The following ARID5B variants were observed in gnomAD, a reference collection of about 807,000 sequenced individuals.
ARID5B encodes AT-rich interactive domain-containing protein 5B.
In ARID5B, 13 loss-of-function variants were observed where a neutral mutation model predicts 97.2. That is an observed-to-expected ratio of 0.13 (90% CI 0.09 to 0.21). ARID5B has a LOEUF of 0.21. Among genes scored for constraint, ARID5B ranks in the 10% least tolerant of loss-of-function variants. The pLI is 1.00. For missense variants in ARID5B, 1,210 were observed against 1,465.3 expected (o/e 0.83, Z 2.84); for synonymous variants, 556 against 570.3 (o/e 0.97, Z 0.36).
chr10:61,941,991 T>C (rs1414131235), intron 3 of ARID5B, among the ~76,000 whole-genome samples: 1 of 152,214 alleles, frequency 6.6e-6, no homozygotes, highest in Non-Finnish European at 1.5e-5. Flanking sequence ...TCCTTAACAT[T>C]AAAACCTTTC....
intron 3 of ARID5B, among the ~76,000 whole-genome samples, chr10:61,997,325 C>T (rs1441237726): frequency 2.0e-5 from 3 of 151,656 alleles, no homozygotes; most frequent in Non-Finnish European, 4.4e-5. Context: ...AGGGAGCCGA[C>T]TCCATCCAGA....
chr10:62,071,952 G>A (rs1840070790), intron 8 of ARID5B, among the ~76,000 whole-genome samples: 1 of 152,174 alleles, frequency 6.6e-6, no homozygotes, highest in Non-Finnish European at 1.5e-5. Context: ...AAACCACACT[G>A]GGTATTCAAC....
intron 4 of ARID5B, among the ~76,000 whole-genome samples, chr10:62,050,537 T>A (rs918214834): frequency 2.0e-5 from 3 of 152,218 alleles, no homozygotes; most frequent in Non-Finnish European, 4.4e-5. Context: ...AAACCAAAGA[T>A]TGAGCTCAAA....
intron 4 of ARID5B, among the ~76,000 whole-genome samples, chr10:62,019,871 A>C (rs571450991): frequency 6.6e-6 from 1 of 152,292 alleles, no homozygotes; most frequent in Non-Finnish European, 1.5e-5. Context: ...GGAGCCACAG[A>C]ATTAGCAAGG....
intron 3 of ARID5B, among the ~76,000 whole-genome samples, chr10:61,977,292 A>T (rs59968307): frequency 0.01 from 1,522 of 152,180 alleles, 29 homozygotes; most frequent in African/African-American, 0.035. Context: ...AGTCTTTGCT[A>T]TTGTGAATAG....
intron 3 of ARID5B, among the ~76,000 whole-genome samples, chr10:61,941,966 C>T (rs1193652940): frequency 5.9e-5 from 9 of 152,074 alleles, no homozygotes; most frequent in Non-Finnish European, 1.2e-4. Flanking sequence ...GTTGTATTAC[C>T]ATTGTCTTAT....
intron 2 of ARID5B, among the ~76,000 whole-genome samples, chr10:61,926,665 G>A (rs1450530491): frequency 2.6e-5 from 4 of 152,126 alleles, no homozygotes; most frequent in Non-Finnish European, 4.4e-5. Context: ...CTGGAGTGCA[G>A]TGGCACGATC....
intron 8 of ARID5B, among the ~76,000 whole-genome samples, chr10:62,081,408 C>T (rs16916980): frequency 6.8e-4 from 104 of 152,264 alleles, no homozygotes; most frequent in African/African-American, 2.4e-3. Flanking sequence ...AATATTTTGG[C>T]CCAAAAGTTC....
chr10:62,022,284 C>G (rs12761779), intron 4 of ARID5B, among the ~76,000 whole-genome samples: 56,703 of 152,054 alleles, frequency 0.37, 10,938 homozygotes, highest in African/African-American at 0.46. Context: ...TGTGGCCATG[C>G]CATCCTTTGG....
In ARID5B at chr10:61,902,227, A is replaced by G; in HGVS notation, c.90A>G (p.Glu30=). The change falls in exon 2 of 10, where the codon GAA becomes GAG. Residue 30 remains glutamate, a synonymous_variant. Coordinates refer to ENST00000279873, the MANE Select transcript of ARID5B (RefSeq NM_032199.3). The part of the protein sequence containing the change: ...IFYKAFQFHL[E]GKPRILSLGD... Reference sequence around the variant, plus strand: ...ACAAGGCTTTTCAATTCCACCTTGAAGGCAAACCAAGAATTTTGTCCCTTG... The same window carrying G: ...ACAAGGCTTTTCAATTCCACCTTGAGGGCAAACCAAGAATTTTGTCCCTTG... The G allele has an allele frequency of 1.2e-6, 2 of 1,614,006 alleles. No homozygotes were observed.
intron 2 of ARID5B, among the ~76,000 whole-genome samples, chr10:61,918,593 T>C (rs1843951074): frequency 6.6e-6 from 1 of 152,244 alleles, no homozygotes; most frequent in African/African-American, 2.4e-5. Flanking sequence ...TCATATTAAA[T>C]AGAGTTAAAC....
At chr10:61,925,424 T>C (rs1844087030) in intron 2 of ARID5B, among the ~76,000 whole-genome samples, 1 of 152,150 alleles carries the variant, frequency 6.6e-6, no homozygotes, top group South Asian at 2.1e-4. Flanking sequence ...AGCTAGCTTT[T>C]ATTATGGCAA....
chr10:62,076,093 G>A (rs528284256), intron 8 of ARID5B, among the ~76,000 whole-genome samples: 3 of 152,232 alleles, frequency 2.0e-5, no homozygotes, highest in South Asian at 2.1e-4. Context: ...TGCTGCTTCC[G>A]GTGAGCCCGG....
Position 62,090,052 on chromosome 10 carries a change from T to A in ARID5B, c.1399-810T>A, listed in dbSNP as rs74601157. 4.4e-3 allele frequency among the ~76,000 whole-genome samples: 667 copies of A among 152,334 alleles called. 8 individuals are homozygous for A. Among genetic ancestry groups the A allele is most frequent in the African/African-American group, 0.015 (617 of 41,574 alleles). On this transcript the variant is annotated intron_variant, in intron 9 of 9. Transcript: ENST00000279873. ...AATGAGTCGAATTGGTACCCACAAC[T>A]TCTGTCAGTAGGGTCACATAAGGAG...
chr10:62,058,499 G>A (rs1389121998), intron 6 of ARID5B, among the ~76,000 whole-genome samples: 1 of 151,874 alleles, frequency 6.6e-6, no homozygotes, highest in Non-Finnish European at 1.5e-5. Flanking sequence ...TAAATGAACA[G>A]GGTTGCTAGC....
At chr10:62,024,271 A>G (rs1482834689) in intron 4 of ARID5B, among the ~76,000 whole-genome samples, 1 of 152,242 alleles carries the variant, frequency 6.6e-6, no homozygotes, top group Non-Finnish European at 1.5e-5. Flanking sequence ...AGATACATTT[A>G]TATTTGTACA....
intron 4 of ARID5B, among the ~76,000 whole-genome samples, chr10:62,008,643 C>A (rs1303702098): frequency 6.6e-6 from 1 of 152,232 alleles, no homozygotes; most frequent in Non-Finnish European, 1.5e-5. Context: ...CTTGCCTCAG[C>A]CCTTGCTGTC....
chr10:61,952,216 T>C (rs1033289030), intron 3 of ARID5B, among the ~76,000 whole-genome samples: 6 of 152,182 alleles, frequency 3.9e-5, no homozygotes, highest in African/African-American at 9.7e-5. Context: ...CCAGTGTGTT[T>C]TAAGTGGCTC....
intron 4 of ARID5B, among the ~76,000 whole-genome samples, chr10:62,003,171 CA>C (rs1839103115): frequency 6.6e-6 from 1 of 152,080 alleles, no homozygotes; most frequent in Admixed American, 6.6e-5. Context: ...AGGAGGTGTT[CA>C]AAAGGTAAAT....
Sources: gnomAD v4.1 joint callset for allele counts (sites outside exome capture counted in the v4.1 genomes callset) on GRCh38, gnomAD v4.1.1 for gene constraint, MANE v1.5 for transcripts, NCBI Gene and HGNC (gene_info 2026-07-23, HGNC 2026-07-21) for gene names.